The following SAMD5 variants were observed in gnomAD, a reference collection of about 807,000 sequenced individuals.
SAMD5 encodes sterile alpha motif domain containing 5.
Under a neutral mutation model 11.3 loss-of-function variants are expected in SAMD5, and 13 were observed. The ratio of observed to expected loss-of-function variants is 1.15; its 90% CI spans 0.75 to 1.83. The LOEUF is 1.83. Ranked by LOEUF, SAMD5 falls within the 40% of genes most tolerant of loss-of-function variation. The pLI, the probability that SAMD5 is intolerant of heterozygous loss-of-function variation, is 0.00. For synonymous variants in SAMD5, 129 were observed against 111.3 expected (o/e 1.16, Z -1.00); for missense variants, 255 against 239.1 (o/e 1.07, Z -0.44).
chr6:147,559,585 C>T (rs958877725), intron 1 of SAMD5, among the ~76,000 whole-genome samples: 2 of 152,088 alleles, frequency 1.3e-5, no homozygotes, highest in Non-Finnish European at 1.5e-5. Context: ...CTGAATTTTT[C>T]TCCAGGAAGT....
At chr6:147,782,897 G>A in the SAMD5 span, among the ~76,000 whole-genome samples, 1 of 152,088 alleles carries the variant, frequency 6.6e-6, no homozygotes, top group South Asian at 2.1e-4. Context: ...TGTAATCCAG[G>A]GTCTGTTGGA....
the SAMD5 span, among the ~76,000 whole-genome samples, chr6:147,936,404 G>A: frequency 6.6e-6 from 1 of 151,518 alleles, no homozygotes; most frequent in East Asian, 2.0e-4. Context: ...TGAAGGGGGA[G>A]CAGGCACATC....
chr6:147,748,402 A>C, the SAMD5 span, among the ~76,000 whole-genome samples: 1 of 152,206 alleles, frequency 6.6e-6, no homozygotes, highest in Non-Finnish European at 1.5e-5. Context: ...TGCCAAGGAA[A>C]TAGTAATAAT....
chr6:147,798,751 C>T, the SAMD5 span, among the ~76,000 whole-genome samples: 1 of 152,002 alleles, frequency 6.6e-6, no homozygotes, highest in Non-Finnish European at 1.5e-5. Flanking sequence ...TCTGGGTGCT[C>T]CTGTATTGGG....
At chr6:147,886,017 A>C in the SAMD5 span, among the ~76,000 whole-genome samples, 1 of 152,334 alleles carries the variant, frequency 6.6e-6, no homozygotes, top group South Asian at 2.1e-4. Context: ...AAGTACCATA[A>C]AATAGAAAGA....
the SAMD5 span, among the ~76,000 whole-genome samples, chr6:147,812,037 A>T: frequency 8.8e-4 from 134 of 152,234 alleles, no homozygotes; most frequent in African/African-American, 2.9e-3. Context: ...GAGGCAGAGG[A>T]GGGCAGGAGG....
chr6:147,543,526 A>G (rs1333716), intron 1 of SAMD5, among the ~76,000 whole-genome samples: 1 of 151,980 alleles, frequency 6.6e-6, no homozygotes, highest in African/African-American at 2.4e-5. Flanking sequence ...ATTGGTTATA[A>G]TTACCATAAT....
chr6:147,739,960 T>C (rs1791856571), downstream of SAMD5, among the ~76,000 whole-genome samples: 3 of 151,886 alleles, frequency 2.0e-5, no homozygotes, highest in East Asian at 1.9e-4. Flanking sequence ...GCTGGGACTA[T>C]AGGCACATGC....
chr6:147,859,999 T>C, the SAMD5 span, among the ~76,000 whole-genome samples: 1 of 152,208 alleles, frequency 6.6e-6, no homozygotes. Flanking sequence ...TTTAATGTAC[T>C]AGGGCTGCCA....
chr6:147,742,088 G>A (rs1443513169), downstream of SAMD5, among the ~76,000 whole-genome samples: 1 of 152,198 alleles, frequency 6.6e-6, no homozygotes, highest in East Asian at 1.9e-4. Context: ...AGTGACCATG[G>A]CCTGTTTGTG....
intron 1 of SAMD5, among the ~76,000 whole-genome samples, chr6:147,561,880 A>G (rs905799875): frequency 2.6e-5 from 4 of 152,218 alleles, no homozygotes; most frequent in African/African-American, 9.6e-5. Flanking sequence ...GACGTTTCCT[A>G]TGGTCATGAA....
the SAMD5 span, among the ~76,000 whole-genome samples, chr6:147,916,991 A>G: frequency 6.7e-6 from 1 of 148,154 alleles, no homozygotes. Flanking sequence ...AGTCTTTGCT[A>G]TTGTGAATAG....
At chr6:147,749,601 G>A in the SAMD5 span, among the ~76,000 whole-genome samples, 1 of 152,168 alleles carries the variant, frequency 6.6e-6, no homozygotes, top group African/African-American at 2.4e-5. Flanking sequence ...ATTTCAAGCA[G>A]TTTATACCAA....
intron 1 of SAMD5, among the ~76,000 whole-genome samples, chr6:147,690,732 T>G (rs1218882078): frequency 6.6e-6 from 1 of 152,198 alleles, no homozygotes; most frequent in African/African-American, 2.4e-5. Context: ...ATTCAGTTTT[T>G]TTCATTCTTC....
intron 1 of SAMD5, among the ~76,000 whole-genome samples, chr6:147,635,636 A>G (rs1790219090): frequency 6.6e-6 from 1 of 152,146 alleles, no homozygotes; most frequent in African/African-American, 2.4e-5. Context: ...ACTTGGGCTC[A>G]CGTGGCTGAC....
Position 147,523,091 on chromosome 6 carries a change from C to A in SAMD5, c.459+13704C>A, listed in dbSNP as rs188858992. Among the ~76,000 whole-genome samples, 43 of 152,170 alleles carry A rather than the reference C, an allele frequency of 2.8e-4. No individual in the cohort carries two copies. The East Asian group carries it at 5.4e-3, about 19-fold the overall frequency. On this transcript the variant is annotated intron_variant, in intron 1 of 1. Coordinates refer to ENST00000367474, the MANE Select transcript of SAMD5 (RefSeq NM_001030060.3). Reference sequence around the variant, plus strand: ...CACCTCCCCCTCAATCCCCTATAGTCGGCTCCCTTCCTGCTCCTACCCCAC... The same window carrying A: ...CACCTCCCCCTCAATCCCCTATAGTAGGCTCCCTTCCTGCTCCTACCCCAC...
the SAMD5 span, among the ~76,000 whole-genome samples, chr6:147,815,784 A>G: frequency 2.0e-5 from 3 of 152,204 alleles, no homozygotes; most frequent in South Asian, 4.2e-4. Context: ...GCCCCCTCCC[A>G]GGAGTCAGAT....
downstream of SAMD5, chr6:147,737,574 A>G: frequency 5.0e-6 from 1 of 200,074 alleles, no homozygotes; most frequent in Admixed American, 5.4e-5. Flanking sequence ...GTTTCAGTAC[A>G]TATCCTTAGA....
At chr6:147,611,574 T>C (rs1789787577) in intron 1 of SAMD5, among the ~76,000 whole-genome samples, 1 of 151,556 alleles carries the variant, frequency 6.6e-6, no homozygotes, top group Non-Finnish European at 1.5e-5. Flanking sequence ...TAAAATCAAA[T>C]AAATAAATAA....
Sources: allele counts gnomAD v4.1 joint callset (sites outside exome capture counted in the v4.1 genomes callset), GRCh38; gene constraint gnomAD v4.1.1; transcripts MANE v1.5; gene names NCBI Gene and HGNC (gene_info 2026-07-23, HGNC 2026-07-21).